The following SAMMSON variants were observed in gnomAD, a reference collection of about 807,000 sequenced individuals.
SAMMSON encodes the protein long intergenic non-protein coding RNA 1212.
intron 4 of SAMMSON, among the ~76,000 whole-genome samples, chr3:70,193,378 C>T (rs1418178162): frequency 6.6e-6 from 1 of 152,186 alleles, no homozygotes; most frequent in African/African-American, 2.4e-5. Context: ...TCTGTATCCT[C>T]GAACTCCTGG....
At chr3:70,118,719 G>T (rs1174143024) in intron 4 of SAMMSON, among the ~76,000 whole-genome samples, 1 of 152,038 alleles carries the variant, frequency 6.6e-6, no homozygotes, top group Non-Finnish European at 1.5e-5. Context: ...AATGTTGTGG[G>T]GACCCTGCTG....
intron 4 of SAMMSON, among the ~76,000 whole-genome samples, chr3:70,135,372 C>G (rs1287222759): frequency 6.6e-6 from 1 of 152,040 alleles, no homozygotes; most frequent in Non-Finnish European, 1.5e-5. Flanking sequence ...ATTATTTCAC[C>G]TATTCACAAT....
At chr3:70,418,919 T>C (rs971030641) in intron 2 of SAMMSON, among the ~76,000 whole-genome samples, 2 of 85,114 alleles carry the variant, frequency 2.3e-5, no homozygotes, top group Non-Finnish European at 4.6e-5. Flanking sequence ...ATGTTTGCTT[T>C]CTTTCCTTTC....
chr3:70,375,211 T>C (rs1559575769), intron 9 of SAMMSON, among the ~76,000 whole-genome samples: 1 of 152,202 alleles, frequency 6.6e-6, no homozygotes, highest in African/African-American at 2.4e-5. Flanking sequence ...TATCTCTTTA[T>C]TTCTCTGTGT....
intron 4 of SAMMSON, among the ~76,000 whole-genome samples, chr3:70,121,963 A>G (rs565073569): frequency 6.6e-6 from 1 of 152,272 alleles, no homozygotes; most frequent in South Asian, 2.1e-4. Context: ...ATCTCGTAAG[A>G]GACTCAGAGG....
intron 2 of SAMMSON, among the ~76,000 whole-genome samples, chr3:70,421,886 TGGCTGAG>T: frequency 6.6e-6 from 1 of 152,210 alleles, no homozygotes; most frequent in African/African-American, 2.4e-5. Context: ...ATATTTGAAA[TGGCTGAG>T]GGCTACGTTG....
intron 3 of SAMMSON, among the ~76,000 whole-genome samples, chr3:70,019,250 A>G (rs2067000145): frequency 6.6e-6 from 1 of 152,154 alleles, no homozygotes; most frequent in Non-Finnish European, 1.5e-5. Flanking sequence ...GACTTGCTTT[A>G]TGAATCTGGG....
At chr3:70,289,055 T>G (rs1702198907) in intron 6 of SAMMSON, among the ~76,000 whole-genome samples, 1 of 152,168 alleles carries the variant, frequency 6.6e-6, no homozygotes, top group Non-Finnish European at 1.5e-5. Context: ...TTTAGCCCAT[T>G]TACATTTAAA....
At chr3:70,105,218 A>G (rs1267354025) in intron 4 of SAMMSON, among the ~76,000 whole-genome samples, 1 of 152,204 alleles carries the variant, frequency 6.6e-6, no homozygotes, top group Non-Finnish European at 1.5e-5. Flanking sequence ...CTATTGTTGA[A>G]GAAAAAGTTG....
intron 4 of SAMMSON, among the ~76,000 whole-genome samples, chr3:70,077,672 C>T (rs780302934): frequency 1.3e-4 from 20 of 152,072 alleles, no homozygotes; most frequent in Non-Finnish European, 5.9e-5. Flanking sequence ...TCTATTGACT[C>T]GTAAATTTTG....
intron 4 of SAMMSON, among the ~76,000 whole-genome samples, chr3:70,145,173 G>A (rs1286557978): frequency 6.6e-6 from 1 of 152,054 alleles, no homozygotes; most frequent in African/African-American, 2.4e-5. Context: ...CTCACATGCT[G>A]AATTCACCTA....
intron 9 of SAMMSON, among the ~76,000 whole-genome samples, chr3:70,363,522 G>A (rs1702893686): frequency 6.6e-6 from 1 of 151,982 alleles, no homozygotes; most frequent in Admixed American, 6.6e-5. Flanking sequence ...AGAATCAGTA[G>A]CATTTCTATA....
intron 4 of SAMMSON, among the ~76,000 whole-genome samples, chr3:70,199,148 A>T (rs1701209849): frequency 6.6e-6 from 1 of 152,148 alleles, no homozygotes; most frequent in African/African-American, 2.4e-5. Flanking sequence ...TCCTTTATAC[A>T]TGCAAGGTTA....
downstream of SAMMSON, among the ~76,000 whole-genome samples, chr3:70,392,674 C>T (rs891291517): frequency 2.6e-5 from 4 of 152,106 alleles, no homozygotes; most frequent in African/African-American, 4.8e-5. Context: ...CTACCATCGA[C>T]TTTGCGACCC....
intron 4 of SAMMSON, among the ~76,000 whole-genome samples, chr3:70,084,157 T>C (rs2067277282): frequency 6.6e-6 from 1 of 152,170 alleles, no homozygotes; most frequent in Non-Finnish European, 1.5e-5. Flanking sequence ...CTCACTTTTT[T>C]TGTGTGTCGT....
At chr3:70,429,758 GCTCT>G (rs919190751) in intron 2 of SAMMSON, among the ~76,000 whole-genome samples, 7 of 151,946 alleles carry the variant, frequency 4.6e-5, no homozygotes, top group Non-Finnish European at 1.0e-4. Flanking sequence ...TCATGATTTG[GCTCT>G]CTGTCTACTA....
At chr3:70,073,298 T>G (rs1303153904) in intron 4 of SAMMSON, among the ~76,000 whole-genome samples, 1 of 152,074 alleles carries the variant, frequency 6.6e-6, no homozygotes, top group Non-Finnish European at 1.5e-5. Flanking sequence ...TTTGAGCCCA[T>G]GTATAGAAGA....
At chr3:70,284,677 T>C (rs540814273) in intron 6 of SAMMSON, among the ~76,000 whole-genome samples, 6 of 152,258 alleles carry the variant, frequency 3.9e-5, no homozygotes, top group African/African-American at 1.4e-4. Flanking sequence ...TTCTCACTTA[T>C]AAGTGGGAGC....
chr3:70,341,873 T>G (rs1702713830), intron 7 of SAMMSON, among the ~76,000 whole-genome samples: 1 of 152,194 alleles, frequency 6.6e-6, no homozygotes, highest in Non-Finnish European at 1.5e-5. Flanking sequence ...TTTATTGATA[T>G]TGGATATACA....
Sources: gnomAD v4.1 joint callset for allele counts (sites outside exome capture counted in the v4.1 genomes callset) on GRCh38, gnomAD v4.1.1 for gene constraint, MANE v1.5 for transcripts, NCBI Gene and HGNC (gene_info 2026-07-23, HGNC 2026-07-21) for gene names.